The following TRAPPC9 variants were observed in gnomAD, a reference collection of about 807,000 sequenced individuals.
TRAPPC9 encodes the protein IKK2 binding protein.
Under a neutral mutation model 124.0 loss-of-function variants are expected in TRAPPC9, and 83 were observed. The observed-to-expected ratio is 0.67, with a 90% CI of 0.56 to 0.80. The LOEUF (loss-of-function observed/expected upper bound fraction) is 0.80, where lower values mean the gene tolerates loss of function less well. TRAPPC9 is among the 30% of genes least tolerant of loss of function. The pLI is 0.00. For missense variants in TRAPPC9, 1,302 were observed against 1,508.3 expected, an observed-to-expected ratio of 0.86 and a Z score of 2.27; for synonymous variants, 638 against 617.5, an observed-to-expected ratio of 1.03 and a Z score of -0.49.
chr8:139,858,185 GC>G (rs1363483121), intron 21 of TRAPPC9, among the ~76,000 whole-genome samples: 1 of 152,230 alleles, frequency 6.6e-6, no homozygotes, highest in Non-Finnish European at 1.5e-5. Flanking sequence ...GGTTCCCTTT[GC>G]CATAAGGACT....
chr8:140,194,013 T>C (rs999227805), intron 17 of TRAPPC9, among the ~76,000 whole-genome samples: 4 of 152,220 alleles, frequency 2.6e-5, no homozygotes, highest in Non-Finnish European at 4.4e-5. Flanking sequence ...CAGTGCTTCC[T>C]TGGAGCCACA....
chr8:140,047,544 G>A (rs4440615), intron 17 of TRAPPC9, among the ~76,000 whole-genome samples: 86,782 of 152,084 alleles, frequency 0.57, 25,169 homozygotes, highest in Middle Eastern at 0.68. Flanking sequence ...AAAACACATC[G>A]CGCATGAAGA....
At chr8:140,346,112 C>T (rs1412930594) in intron 9 of TRAPPC9, among the ~76,000 whole-genome samples, 4 of 152,218 alleles carry the variant, frequency 2.6e-5, no homozygotes, top group Non-Finnish European at 5.9e-5. Context: ...CATACTCAGA[C>T]ATGCAAGGTA....
intron 17 of TRAPPC9, among the ~76,000 whole-genome samples, chr8:140,206,718 A>T (rs1046613545): frequency 1.3e-5 from 2 of 151,456 alleles, no homozygotes; most frequent in African/African-American, 4.9e-5. Context: ...TATTGCCCCA[A>T]ATACATACAT....
intron 9 of TRAPPC9, among the ~76,000 whole-genome samples, chr8:140,355,541 A>T (rs2067714792): frequency 6.6e-6 from 1 of 152,226 alleles, no homozygotes; most frequent in Admixed American, 6.5e-5. Flanking sequence ...ATTCTCCTCC[A>T]GTATTTCTGG....
intron 20 of TRAPPC9, among the ~76,000 whole-genome samples, chr8:139,895,876 T>C (rs1830637508): frequency 6.6e-6 from 1 of 152,234 alleles, no homozygotes; most frequent in Non-Finnish European, 1.5e-5. Context: ...CACCAGGCTT[T>C]GGAGGCAGGC....
At chr8:139,843,965 G>A (rs1463866354) in intron 21 of TRAPPC9, among the ~76,000 whole-genome samples, 1 of 152,250 alleles carries the variant, frequency 6.6e-6, no homozygotes, top group East Asian at 1.9e-4. Flanking sequence ...CCCATACAGT[G>A]CTCTCTAGCT....
At chr8:140,243,878 T>C (rs559155422) in intron 16 of TRAPPC9, among the ~76,000 whole-genome samples, 1 of 152,370 alleles carries the variant, frequency 6.6e-6, no homozygotes, top group African/African-American at 2.4e-5. Flanking sequence ...CCTGGTGGCC[T>C]GTTAGGAACT....
chr8:139,858,085 A>G (rs920944028), intron 21 of TRAPPC9, among the ~76,000 whole-genome samples: 6 of 152,356 alleles, frequency 3.9e-5, no homozygotes, highest in African/African-American at 1.2e-4. Context: ...ATCATGGCAA[A>G]TAAGATGTGA....
intron 17 of TRAPPC9, among the ~76,000 whole-genome samples, chr8:140,146,908 T>A (rs906430630): frequency 3.4e-5 from 5 of 149,146 alleles, no homozygotes; most frequent in South Asian, 2.1e-4. Context: ...TATTTTCCAA[T>A]ATGATTTTAA....
chr8:140,263,074 G>GT (rs2064485028), intron 15 of TRAPPC9, among the ~76,000 whole-genome samples: 1 of 152,230 alleles, frequency 6.6e-6, no homozygotes, highest in African/African-American at 2.4e-5. Context: ...ACTCAGCCCG[G>GT]TGTCCCCAGT....
At chr8:139,812,664 T>C (rs1045867411) in intron 21 of TRAPPC9, among the ~76,000 whole-genome samples, 1 of 152,162 alleles carries the variant, frequency 6.6e-6, no homozygotes, top group Non-Finnish European at 1.5e-5. Context: ...AAAATGTTAA[T>C]GAGTTAAATA....
intron 15 of TRAPPC9, among the ~76,000 whole-genome samples, chr8:140,269,553 AAAATAAATAAATAAATAAAT>A (rs61634673): frequency 2.6e-5 from 3 of 113,866 alleles, no homozygotes; most frequent in Non-Finnish European, 5.7e-5. Context: ...AAAATAAAAT[AAAATAAATAAATAAATAAAT>A]AAATAAATAA....
intron 21 of TRAPPC9, among the ~76,000 whole-genome samples, chr8:139,829,829 A>G (rs1825858531): frequency 6.6e-6 from 1 of 152,182 alleles, no homozygotes; most frequent in Non-Finnish European, 1.5e-5. Context: ...CACTTTCTAA[A>G]CCAGGAGACT....
chr8:139,806,878 CT>C (rs1429995091), intron 21 of TRAPPC9, among the ~76,000 whole-genome samples: 2 of 152,192 alleles, frequency 1.3e-5, no homozygotes, highest in Non-Finnish European at 2.9e-5. Context: ...GGGGGAGAAG[CT>C]TATAGAAGGG....
intron 16 of TRAPPC9, among the ~76,000 whole-genome samples, chr8:140,245,145 T>C (rs1396196681): frequency 6.6e-6 from 1 of 152,174 alleles, no homozygotes; most frequent in African/African-American, 2.4e-5. Context: ...ACAACACTGA[T>C]TGACAAAACC....
intron 11 of TRAPPC9, among the ~76,000 whole-genome samples, chr8:140,294,317 C>A (rs2065745865): frequency 6.6e-6 from 1 of 152,070 alleles, no homozygotes. Context: ...AACATGCTCC[C>A]AGCCCGCCTG....
intron 17 of TRAPPC9, among the ~76,000 whole-genome samples, chr8:140,052,852 T>C (rs1219752610): frequency 6.6e-6 from 1 of 150,690 alleles, no homozygotes; most frequent in Non-Finnish European, 1.5e-5. Flanking sequence ...GAGGCTGGGA[T>C]AGGAGAATCT....
Position 139,732,054 on chromosome 8 carries a change from G to A in TRAPPC9, c.3204C>T (p.His1068=). 1.0e-5 allele frequency: 16 copies of A among 1,605,046 alleles called. No homozygotes were observed. The highest frequency in any genetic ancestry group is 1.3e-5 in the Non-Finnish European group (15 of 1,175,842). ...GGTCGTAGTTGTGCACGCCGTTCTG[G>A]TGGTCCTGGAAGGGGACCACAGTGA... is the stretch of plus-strand genomic sequence containing the variant. The part of the protein sequence containing the change: ...FALTVVPFQD[H]QNGVHNYDLH... Residue 1068 remains histidine (H), a synonymous_variant, in exon 22 of 23, where the codon CAC becomes CAT. Transcript: ENST00000438773.
Sources: gnomAD v4.1 joint callset for allele counts (sites outside exome capture counted in the v4.1 genomes callset) on GRCh38, gnomAD v4.1.1 for gene constraint, MANE v1.5 for transcripts, NCBI Gene and HGNC (gene_info 2026-07-23, HGNC 2026-07-21) for gene names.